The following PCDH15 variants were observed in gnomAD, a reference collection of about 807,000 sequenced individuals.
The protein encoded by PCDH15 is protocadherin-15.
A neutral mutation model predicts 178.5 loss-of-function variants in PCDH15; 129 were observed. The ratio of observed to expected loss-of-function variants is 0.72; its 90% CI spans 0.63 to 0.84. The LOEUF is 0.84. Among genes scored for constraint, PCDH15 ranks in the 40% least tolerant of loss-of-function variants. PCDH15 has a pLI of 0.00. For missense variants in PCDH15, 2,230 were observed against 2,099.9 expected (o/e 1.06, Z -1.21); for synonymous variants, 800 against 732.0 (o/e 1.09, Z -1.50).
intron 1 of PCDH15, among the ~76,000 whole-genome samples, chr10:54,779,452 T>TATATATACACA (rs1566221590): frequency 4.5e-5 from 5 of 110,860 alleles, no homozygotes; most frequent in Non-Finnish European, 8.9e-5. Context: ...ATATATACAC[T>TATATATACACA]CATATATGTG....
At chr10:53,927,369 A>G (rs1418146529) in intron 25 of PCDH15, among the ~76,000 whole-genome samples, 1 of 152,146 alleles carries the variant, frequency 6.6e-6, no homozygotes. Context: ...TGTATCTATT[A>G]TTTTATTACC....
intron 5 of PCDH15, among the ~76,000 whole-genome samples, chr10:54,357,349 A>C (rs1181705702): frequency 6.6e-6 from 1 of 152,186 alleles, no homozygotes; most frequent in Non-Finnish European, 1.5e-5. Context: ...AAAAATCACA[A>C]GCATTCTTAT....
chr10:55,020,188 A>G (rs896520897), intron 2 of PCDH15, among the ~76,000 whole-genome samples: 5 of 150,586 alleles, frequency 3.3e-5, no homozygotes, highest in Non-Finnish European at 7.4e-5. Flanking sequence ...AATTTGAATA[A>G]GCTTGGATTC....
At chr10:54,325,803 G>A (rs1937902706) in intron 7 of PCDH15, among the ~76,000 whole-genome samples, 1 of 152,006 alleles carries the variant, frequency 6.6e-6, no homozygotes, top group Non-Finnish European at 1.5e-5. Context: ...CAGCTAGTTG[G>A]GAGGCTGAGG....
At chr10:54,936,423 C>T (rs1056089509) in intron 2 of PCDH15, among the ~76,000 whole-genome samples, 6 of 151,886 alleles carry the variant, frequency 4.0e-5, no homozygotes, top group Non-Finnish European at 5.9e-5. Flanking sequence ...GTCATAAGGG[C>T]AAGTTTGTTT....
chr10:54,598,318 A>G (rs1162156456), intron 2 of PCDH15, among the ~76,000 whole-genome samples: 1 of 152,160 alleles, frequency 6.6e-6, no homozygotes, highest in Admixed American at 6.6e-5. Flanking sequence ...GGTTTGTTCA[A>G]TATACAAAAA....
intron 30 of PCDH15, 186 bp downstream of exon 30, chr10:53,831,128 AT>A (rs772022749): frequency 2.1e-5 from 16 of 770,946 alleles, no homozygotes; most frequent in Non-Finnish European, 3.5e-5. Context: ...TCAGTGAAAA[AT>A]GTACTGGGAG....
At chr10:54,307,034 G>A (rs1347611024) in intron 8 of PCDH15, among the ~76,000 whole-genome samples, 77 of 23,102 alleles carry the variant, frequency 3.3e-3, no homozygotes, top group African/African-American at 9.3e-3. Flanking sequence ...ATATATGTGT[G>A]TGTGTGTATA....
chr10:55,199,874 G>A (rs547283043), intron 1 of PCDH15, among the ~76,000 whole-genome samples: 4 of 152,070 alleles, frequency 2.6e-5, no homozygotes, highest in East Asian at 1.9e-4. Flanking sequence ...TTGGGCCTTC[G>A]GGTGCACAGA....
At chr10:54,937,106 A>G (rs1407203091) in intron 2 of PCDH15, among the ~76,000 whole-genome samples, 1 of 151,948 alleles carries the variant, frequency 6.6e-6, no homozygotes, top group Non-Finnish European at 1.5e-5. Context: ...GATTTACCCC[A>G]TTGAAATCTC....
intron 2 of PCDH15, among the ~76,000 whole-genome samples, chr10:54,630,308 A>G (rs1282991940): frequency 1.3e-5 from 2 of 152,190 alleles, no homozygotes; most frequent in African/African-American, 4.8e-5. Flanking sequence ...TATTGTCACA[A>G]AAACAAACAC....
At chr10:54,959,163 A>G (rs1342229326) in intron 2 of PCDH15, among the ~76,000 whole-genome samples, 1 of 151,836 alleles carries the variant, frequency 6.6e-6, no homozygotes, top group Admixed American at 6.6e-5. Flanking sequence ...GAGAAAAAGG[A>G]GGAGGGGGAA....
chr10:55,252,583 A>G (rs978223170), intron 1 of PCDH15, among the ~76,000 whole-genome samples: 1 of 152,136 alleles, frequency 6.6e-6, no homozygotes, highest in Admixed American at 6.5e-5. Flanking sequence ...ATAATTCAAC[A>G]TTTAATTGAG....
chr10:55,568,178 C>T (rs913363393), intron 2 of PCDH15, among the ~76,000 whole-genome samples: 3 of 151,938 alleles, frequency 2.0e-5, no homozygotes, highest in East Asian at 1.9e-4. Flanking sequence ...AAGAGTAGAA[C>T]GGATAAGCAA....
chr10:54,374,171 C>T (rs150514060), intron 4 of PCDH15, among the ~76,000 whole-genome samples: 1 of 152,060 alleles, frequency 6.6e-6, no homozygotes, highest in Non-Finnish European at 1.5e-5. Flanking sequence ...TGAGTGATGA[C>T]TAAGAGGTCT....
chr10:54,856,712 C>G (rs1953748242), intron 3 of PCDH15, among the ~76,000 whole-genome samples: 1 of 152,154 alleles, frequency 6.6e-6, no homozygotes, highest in South Asian at 2.1e-4. Context: ...GTCTCTACCT[C>G]TAGACCTGAC....
At chr10:54,700,959 G>A (rs2095302370) in intron 1 of PCDH15, among the ~76,000 whole-genome samples, 3 of 152,120 alleles carry the variant, frequency 2.0e-5, no homozygotes, top group Non-Finnish European at 2.9e-5. Context: ...AATGCTGCTA[G>A]AAAGAGGCAG....
chr10:55,441,969 G>T (rs778521038), intron 2 of PCDH15, among the ~76,000 whole-genome samples: 1 of 152,038 alleles, frequency 6.6e-6, no homozygotes, highest in Non-Finnish European at 1.5e-5. Flanking sequence ...GTCAAGGAAT[G>T]CTGACAGCCC....
intron 15 of PCDH15, among the ~76,000 whole-genome samples, chr10:54,107,791 G>A (rs899363852): frequency 4.6e-5 from 7 of 152,122 alleles, no homozygotes; most frequent in African/African-American, 4.8e-5. Context: ...AGTAAACGGT[G>A]TCAAAACCTT....
Sources: gnomAD v4.1 joint callset for allele counts (sites outside exome capture counted in the v4.1 genomes callset) on GRCh38, gnomAD v4.1.1 for gene constraint, MANE v1.5 for transcripts, NCBI Gene and HGNC (gene_info 2026-07-23, HGNC 2026-07-21) for gene names.